The following UBE2E1 variants were observed in gnomAD, a reference collection of about 807,000 sequenced individuals.
The protein encoded by UBE2E1 is ubiquitin-conjugating enzyme E2 E1.
In UBE2E1, 6 loss-of-function variants were observed where a neutral mutation model predicts 21.4. The observed-to-expected ratio is 0.28, with a 90% CI of 0.15 to 0.55. The LOEUF is 0.55. Ranked by LOEUF, UBE2E1 falls within the 20% of genes least tolerant of loss-of-function variation. The probability of loss-of-function intolerance (pLI) is 0.93; values close to 1 mark genes in which losing one functional copy is unlikely to be tolerated. For missense variants in UBE2E1, 142 were observed against 236.5 expected, an observed-to-expected ratio of 0.60 and a Z score of 2.62; for synonymous variants, 87 against 82.7, an observed-to-expected ratio of 1.05 and a Z score of -0.28.
At chr3:23,859,358 C>G (rs986433414) in intron 3 of UBE2E1, among the ~76,000 whole-genome samples, 8 of 152,168 alleles carry the variant, frequency 5.3e-5, no homozygotes, top group African/African-American at 1.9e-4. Flanking sequence ...TGGAAATTTT[C>G]CTCCATCTCC....
rs1553637704 is a variant in UBE2E1 at position 23,842,198 on chromosome 3, G to GGGGTGTGTGTGTGTGTGTGTGTGT, written c.203+30689_203+30690insGGTGTGTGTGTGTGTGTGTGTGTG. Among the ~76,000 whole-genome samples the GGGGTGTGTGTGTGTGTGTGTGTGT allele has an allele frequency of 9.6e-6, 1 of 104,284 alleles. No homozygotes were observed. The highest frequency in any genetic ancestry group is 2.0e-5 in the Non-Finnish European group (1 of 50,894). The allele number at this position is 104,284 out of a possible 152,430, so 68.4% of individuals were successfully genotyped here. ...TATGTCATGACCCAGTAAGTGAAGG[G>GGGGTGTGTGTGTGTGTGTGTGTGT]GTGTGTGTGTGTGTGTGTGTGTGTG... On this transcript the variant is annotated intron_variant, in intron 3 of 5. Transcript: ENST00000306627. This position sits in a 1 kb window ranked among gnomAD's most constrained non-coding sequence, Gnocchi z 4.6.
chr3:23,851,731 G>A (rs1700328860), intron 3 of UBE2E1, among the ~76,000 whole-genome samples: 2 of 152,178 alleles, frequency 1.3e-5, no homozygotes, highest in African/African-American at 4.8e-5. Context: ...GAGCCCAGGA[G>A]TTCGAGGCTG....
rs1700586927 is a variant in UBE2E1, at chr3:23,863,031, G to A, written c.204-24536G>A. Among the ~76,000 whole-genome samples, 1 of 145,520 alleles carries A rather than the reference G, an allele frequency of 6.9e-6. No homozygotes were observed. The highest frequency in any genetic ancestry group is 2.2e-4 in the South Asian group (1 of 4,478). Reference sequence around the variant, plus strand: ...AAATTATACACTAACATAGTTTAAAGGCTTTAATATTTCTTTGTTTGTTAA... The same window carrying A: ...AAATTATACACTAACATAGTTTAAAAGCTTTAATATTTCTTTGTTTGTTAA... On this transcript the variant is annotated intron_variant, in intron 3 of 5. Transcript: ENST00000306627. The surrounding 1 kb of genome is among the most constrained non-coding windows in gnomAD (Gnocchi z 4.3).
chr3:23,852,318 G>A (rs927691896), intron 3 of UBE2E1, among the ~76,000 whole-genome samples: 5 of 152,064 alleles, frequency 3.3e-5, no homozygotes, highest in South Asian at 2.1e-4. Context: ...TTAGTCTGCA[G>A]TGTACATATT....
At chr3:23,840,531 G>A (rs1252444987) in intron 3 of UBE2E1, among the ~76,000 whole-genome samples, 1 of 152,174 alleles carries the variant, frequency 6.6e-6, no homozygotes, top group Non-Finnish European at 1.5e-5. Flanking sequence ...CAGCTATTAA[G>A]GCTAATTTTT....
chr3:23,829,065 C>T (rs1354942561), intron 3 of UBE2E1, among the ~76,000 whole-genome samples: 1 of 150,472 alleles, frequency 6.6e-6, no homozygotes, highest in Non-Finnish European at 1.5e-5. Context: ...GCAGTTTCTC[C>T]GTCTTGTATT....
intron 3 of UBE2E1, among the ~76,000 whole-genome samples, chr3:23,825,005 C>G (rs541568169): frequency 3.3e-5 from 5 of 152,206 alleles, no homozygotes; most frequent in Non-Finnish European, 2.9e-5. Flanking sequence ...AGTTCCCCAA[C>G]AAGTATATAC....
At position 23,887,651 on chromosome 3, in the gene UBE2E1, C is replaced by T. The variant is rs11541661; in HGVS notation, c.288C>T (p.Phe96=). The change falls in exon 4 of 6, where the codon TTC becomes TTT. Residue 96 remains phenylalanine (F), a synonymous_variant. Transcript: ENST00000306627. This position sits in a 1 kb window ranked among gnomAD's most constrained non-coding sequence, Gnocchi z 4.4. ...GATCCGTGTATGAGGGTGGTGTATT[C>T]TTTCTCGATATCACTTTTACACCAG... ...PPGSVYEGGV[F]FLDITFTPEY... 6 of 1,613,924 alleles carry T rather than the reference C, an allele frequency of 3.7e-6. No homozygotes were observed. The South Asian group carries it at 4.4e-5, about 12-fold the overall frequency.
intron 3 of UBE2E1, among the ~76,000 whole-genome samples, chr3:23,812,663 C>G (rs1195713913): frequency 6.6e-6 from 1 of 152,180 alleles, no homozygotes; most frequent in African/African-American, 2.4e-5. Context: ...AATTGGAACA[C>G]TTAATCATTC....
At chr3:23,819,200 C>T (rs2125285451) in intron 3 of UBE2E1, among the ~76,000 whole-genome samples, 1 of 152,268 alleles carries the variant, frequency 6.6e-6, no homozygotes, top group South Asian at 2.1e-4. Flanking sequence ...AGGAGAATCG[C>T]TTGAACCCGG....
At chr3:23,832,880 TAA>T (rs1413755866) in intron 3 of UBE2E1, among the ~76,000 whole-genome samples, 3 of 151,346 alleles carry the variant, frequency 2.0e-5, no homozygotes, top group African/African-American at 7.3e-5. Context: ...AAACAAATTT[TAA>T]AAAATAATCC....
intron 5 of UBE2E1, chr3:23,889,641 G>A: frequency 2.0e-6 from 2 of 985,334 alleles, no homozygotes; most frequent in Non-Finnish European, 2.4e-6. Context: ...GGGGTTCAGT[G>A]AGCATGTGTC....
chr3:23,850,687 T>TTG (rs1700303966), intron 3 of UBE2E1, among the ~76,000 whole-genome samples: 2 of 149,008 alleles, frequency 1.3e-5, no homozygotes, highest in South Asian at 4.3e-4. Flanking sequence ...GATTGTTTTT[T>TTG]TTTTTTTTTT....
chr3:23,865,216 G>T (rs1700630442), intron 3 of UBE2E1, among the ~76,000 whole-genome samples: 2 of 152,182 alleles, frequency 1.3e-5, no homozygotes, highest in African/African-American at 4.8e-5. Context: ...ACAGAATTCA[G>T]TTCCTTGCAG....
rs181836693 is a variant in UBE2E1, at chr3:23,823,047, A to G, written c.203+11537A>G. Among the ~76,000 whole-genome samples, 150 of 152,084 alleles carry G rather than the reference A, an allele frequency of 9.9e-4. No homozygotes were observed. Among genetic ancestry groups the G allele is most frequent in the African/African-American group, 3.4e-3 (143 of 41,476 alleles). ...TTTTTAGTGGAGATGGGGTTTCACCATGTTGGCCAGGCTAGTCGAAAACTC... is the reference window on the plus strand; with the variant it reads ...TTTTTAGTGGAGATGGGGTTTCACCGTGTTGGCCAGGCTAGTCGAAAACTC... On this transcript the variant is annotated intron_variant, in intron 3 of 5. Coordinates refer to ENST00000306627, the MANE Select transcript of UBE2E1 (RefSeq NM_003341.5). This position sits in a 1 kb window ranked among gnomAD's most constrained non-coding sequence, Gnocchi z 4.2.
chr3:23,813,413 T>C (rs962745541), intron 3 of UBE2E1, among the ~76,000 whole-genome samples: 7 of 152,246 alleles, frequency 4.6e-5, no homozygotes, highest in Non-Finnish European at 7.3e-5. Context: ...TAATGTTATA[T>C]AGTAGTCCCA....
chr3:23,833,015 CAAAGTGAGACCCTGTCTCAA>C, intron 3 of UBE2E1, among the ~76,000 whole-genome samples: 1 of 152,174 alleles, frequency 6.6e-6, no homozygotes, highest in Non-Finnish European at 1.5e-5. Context: ...GCCTGGGCGA[CAAAGTGAGACCCTGTCTCAA>C]AAAGTGGGAG....
intron 3 of UBE2E1, among the ~76,000 whole-genome samples, chr3:23,848,123 G>C (rs1256111742): frequency 6.6e-6 from 1 of 152,180 alleles, no homozygotes; most frequent in African/African-American, 2.4e-5. Context: ...ATTTACAAAT[G>C]AAGAAAGTCA....
At chr3:23,835,351 C>G (rs1379128370) in intron 3 of UBE2E1, among the ~76,000 whole-genome samples, 1 of 152,064 alleles carries the variant, frequency 6.6e-6, no homozygotes, top group Non-Finnish European at 1.5e-5. Context: ...ACCTGTGGTC[C>G]TAGCTACTCA....
Sources: allele counts gnomAD v4.1 joint callset (sites outside exome capture counted in the v4.1 genomes callset), GRCh38; gene constraint gnomAD v4.1.1; non-coding constraint Gnocchi (gnomAD v3.1); transcripts MANE v1.5; gene names NCBI Gene and HGNC (gene_info 2026-07-23, HGNC 2026-07-21).